The following PHIP variants were observed in gnomAD, a reference collection of about 807,000 sequenced individuals.
PHIP encodes the protein PHIP subunit of CUL4-Ring ligase complex.
In PHIP, 54 loss-of-function variants were observed where a neutral mutation model predicts 236.8. The ratio of observed to expected loss-of-function variants is 0.23; its 90% CI spans 0.18 to 0.29. The LOEUF (loss-of-function observed/expected upper bound fraction) is 0.29, where lower values mean the gene tolerates loss of function less well. Ranked by LOEUF, PHIP falls within the 10% of genes least tolerant of loss-of-function variation. The pLI is 1.00. For missense variants in PHIP, 1,370 were observed against 2,190.8 expected (o/e 0.63, Z 7.48); for synonymous variants, 756 against 718.9 (o/e 1.05, Z -0.83).
chr6:79,020,705 T>G (rs1771075520), intron 9 of PHIP, among the ~76,000 whole-genome samples: 1 of 152,236 alleles, frequency 6.6e-6, no homozygotes, highest in South Asian at 2.1e-4. Context: ...CACTCCCATG[T>G]TCGCTACAAC....
chr6:79,008,290 T>A (rs925604711), intron 15 of PHIP, among the ~76,000 whole-genome samples: 3 of 151,946 alleles, frequency 2.0e-5, no homozygotes, highest in African/African-American at 7.3e-5. Flanking sequence ...CTTTAACTTA[T>A]GCCAACATAA....
chr6:78,941,058 C>T lies in PHIP; in HGVS notation c.5101G>A (p.Val1701Ile). ...TTTTTCTGTAACAAATCTTCCTTTA[C>T]ATTATTAGTTTCAGAAAGAAAATTG... ...TCNFLSETNN[V>I]KEDLLQKKNR... The change falls in exon 40 of 40, where the codon GTA (valine) becomes ATA (isoleucine). Residue 1701 changes from valine to isoleucine, a missense_variant. Around this residue, in one of 14 missense-constraint regions of PHIP, gnomAD observed 309 missense variants for 328.3 expected, o/e 0.94. Transcript: ENST00000275034. The T allele has an allele frequency of 6.2e-7, 1 of 1,613,970 alleles. No individual in the cohort carries two copies.
chr6:79,002,224 C>T lies in PHIP; in HGVS notation c.1654-100G>A, dbSNP rs187122675. On this transcript the variant is annotated intron_variant, in intron 16 of 39. Transcript: ENST00000275034. ...CTAATAGAAAGCAAACACCTGAATA[C>T]GAATAATGGTATTAAGCAACAATTT... is the stretch of plus-strand genomic sequence containing the variant. The T allele has an allele frequency of 4.0e-4, 283 of 707,730 alleles. No individual in the cohort carries two copies. In the African/African-American group the frequency reaches 4.5e-3, roughly 11 times the overall value. The allele number at this position is 707,730 out of a possible 1,614,324, so 43.8% of individuals were successfully genotyped here.
chr6:78,962,307 C>T (rs755045745), intron 30 of PHIP, among the ~76,000 whole-genome samples: 21 of 152,090 alleles, frequency 1.4e-4, no homozygotes, highest in South Asian at 6.2e-4. Flanking sequence ...CAATACACAC[C>T]GTAAAGTTGT....
chr6:79,076,273 C>T (rs1774156740), intron 4 of PHIP, among the ~76,000 whole-genome samples: 1 of 152,204 alleles, frequency 6.6e-6, no homozygotes, highest in African/African-American at 2.4e-5. Context: ...GACACTCATT[C>T]TAAGCTCGCT....
At chr6:78,967,442 C>T (rs1030425015) in intron 27 of PHIP, among the ~76,000 whole-genome samples, 5 of 152,152 alleles carry the variant, frequency 3.3e-5, no homozygotes, top group African/African-American at 7.2e-5. Flanking sequence ...CTAATCATAA[C>T]GAACAATATC....
chr6:79,045,229 C>G (rs1333211698), intron 6 of PHIP, among the ~76,000 whole-genome samples: 2 of 151,994 alleles, frequency 1.3e-5, no homozygotes, highest in African/African-American at 4.8e-5. Flanking sequence ...TACGTAGATT[C>G]CCAGGTAATA....
chr6:79,015,611 G>A lies in PHIP; in HGVS notation c.1389+19C>T, dbSNP rs773975589. 1.0e-5 allele frequency: 16 copies of A among 1,549,338 alleles called. No individual in the cohort carries two copies. The highest frequency in any genetic ancestry group is 1.8e-4 in the Middle Eastern group (1 of 5,696). ...GTCAGCTTCAGTTATATCAAATAAA[G>A]ATTAGAATTTTTTCTCACCATCAGG... On this transcript the variant is annotated intron_variant, in intron 14 of 39. Coordinates refer to ENST00000275034, the MANE Select transcript of PHIP (RefSeq NM_017934.7).
intron 7 of PHIP, among the ~76,000 whole-genome samples, chr6:79,028,708 A>G (rs1414560627): frequency 6.6e-6 from 1 of 152,226 alleles, no homozygotes; most frequent in East Asian, 1.9e-4. Context: ...CATTCAGTAC[A>G]CAAAGAATTT....
At chr6:79,042,181 T>C (rs906798689) in intron 7 of PHIP, among the ~76,000 whole-genome samples, 34 of 152,094 alleles carry the variant, frequency 2.2e-4, no homozygotes, top group African/African-American at 8.2e-4. Context: ...CACCTGAAAA[T>C]CAAATATTTC....
chr6:78,963,921 CTCTATAGGT>C (rs1184095868), intron 29 of PHIP, among the ~76,000 whole-genome samples: 6 of 152,114 alleles, frequency 3.9e-5, no homozygotes, highest in Non-Finnish European at 8.8e-5. Context: ...TACGATTAAA[CTCTATAGGT>C]TCGTATGAAT....
At chr6:78,990,001 G>T (rs1345416542) in intron 20 of PHIP, among the ~76,000 whole-genome samples, 2 of 152,058 alleles carry the variant, frequency 1.3e-5, no homozygotes, top group South Asian at 4.1e-4. Context: ...GACTACTTGA[G>T]TATTTTGAAG....
At chr6:78,954,740 TA>T (rs1766299972) in intron 35 of PHIP, 73 bp downstream of exon 35, 8 of 894,594 alleles carry the variant, frequency 8.9e-6, no homozygotes, top group Non-Finnish European at 1.3e-5. Flanking sequence ...AAAAAGTAAC[TA>T]AAATAGCCAA....
chr6:78,985,364 T>A lies in PHIP; in HGVS notation c.2525A>T (p.Asp842Val). Residue 842 changes from aspartate to valine, a missense_variant, in exon 22 of 40, where the codon GAT (aspartate) becomes GTT (valine). By Grantham distance (152) the Asp-to-Val change is radical. Coordinates refer to ENST00000275034, the MANE Select transcript of PHIP (RefSeq NM_017934.7). Reference protein sequence around the residue: ...SEEEERAWHSDGSSSDYSSDY... With the variant: ...SEEEERAWHSVGSSSDYSSDY... ...AGCATTCATTTACCTAGAACTGCCA[T>A]CACTGTGCCATGCTCTCTCTTCTTC... The A allele has an allele frequency of 6.3e-7, 1 of 1,579,918 alleles. No homozygotes were observed. The highest frequency in any genetic ancestry group is 8.7e-7 in the Non-Finnish European group (1 of 1,148,852).
intron 4 of PHIP, among the ~76,000 whole-genome samples, chr6:79,065,764 C>CCACA (rs58570604): frequency 0.034 from 4,864 of 143,414 alleles, 86 homozygotes; most frequent in South Asian, 0.064. Context: ...CTTAACTATA[C>CCACA]CACACACACA....
At chr6:79,065,764 CCACACACACACACACACACA>C (rs58570604) in intron 4 of PHIP, among the ~76,000 whole-genome samples, 2 of 143,470 alleles carry the variant, frequency 1.4e-5, no homozygotes, top group East Asian at 2.1e-4. Context: ...CTTAACTATA[CCACACACACACACACACACA>C]CACACACACA....
chr6:79,030,705 G>A (rs1408514457), intron 7 of PHIP, among the ~76,000 whole-genome samples: 1 of 152,144 alleles, frequency 6.6e-6, no homozygotes, highest in Non-Finnish European at 1.5e-5. Flanking sequence ...GGTGTTATCA[G>A]TTTATACCAT....
intron 39 of PHIP, among the ~76,000 whole-genome samples, chr6:78,943,989 T>TAA (rs1424311614): frequency 0.021 from 998 of 46,716 alleles, 5 homozygotes; most frequent in Non-Finnish European, 0.026. Context: ...CTGTCTTTTT[T>TAA]TAAAAAAAAA....
At chr6:78,982,088 T>C (rs1768578560) in intron 23 of PHIP, among the ~76,000 whole-genome samples, 2 of 152,018 alleles carry the variant, frequency 1.3e-5, no homozygotes, top group Non-Finnish European at 2.9e-5. Flanking sequence ...AATTTATACT[T>C]AAATGGCAGA....
Sources: gnomAD v4.1 joint callset for allele counts (sites outside exome capture counted in the v4.1 genomes callset) on GRCh38, gnomAD v4.1.1 for gene constraint, gnomAD v4.1.1 regional missense constraint, MANE v1.5 for transcripts, NCBI Gene and HGNC (gene_info 2026-07-23, HGNC 2026-07-21) for gene names.